The following ME3 variants were observed in gnomAD, a reference collection of about 807,000 sequenced individuals.
ME3 encodes the protein malic enzyme 3, also known as NADP-dependent malic enzyme, mitochondrial.
In ME3, 48 loss-of-function variants were observed where a neutral mutation model predicts 68.9. The observed-to-expected ratio is 0.70, with a 90% CI of 0.55 to 0.89. ME3 has a LOEUF of 0.89. Ranked by LOEUF, ME3 falls within the 40% of genes least tolerant of loss-of-function variation. ME3 has a pLI of 0.00. For synonymous variants in ME3, 320 were observed against 318.8 expected (o/e 1.00, Z -0.04); for missense variants, 675 against 797.4 (o/e 0.85, Z 1.85).
chr11:86,473,782 A>T (rs1475147550), intron 7 of ME3, among the ~76,000 whole-genome samples: 1 of 152,194 alleles, frequency 6.6e-6, no homozygotes, highest in Admixed American at 6.5e-5. Flanking sequence ...ACCATGGGTG[A>T]AAAAACTGGA....
chr11:86,556,560 T>G, exon 4 of ME3: 2 of 1,613,746 alleles, frequency 1.2e-6, no homozygotes, highest in Non-Finnish European at 1.7e-6. Flanking sequence ...CACCGGGGCC[T>G]GCGGAAAGTC....
exon 3 of ME3, chr11:86,559,770 G>T: frequency 1.2e-6 from 2 of 1,614,072 alleles, no homozygotes; most frequent in East Asian, 2.2e-5. Context: ...AGCAGGGCGG[G>T]ATTAGGCCGT....
In ME3 at chr11:86,602,743, A is replaced by C. The variant is rs181915557; in HGVS notation, c.184-42920T>G. Among the ~76,000 whole-genome samples, 3 of 151,868 alleles carry C rather than the reference A, an allele frequency of 2.0e-5. No homozygotes were observed. The East Asian group carries it at 5.8e-4, about 29-fold the overall frequency. The stretch of plus-strand genomic sequence containing the variant: ...CAGTAACCAAAACAGCATGGGAACC[A>C]AAACAGAGATATAGACCAATGGAAC... On this transcript the variant is annotated intron_variant, in intron 2 of 14. Transcript: ENST00000543262.
intron 2 of ME3, among the ~76,000 whole-genome samples, chr11:86,647,261 T>A (rs1945079133): frequency 6.6e-6 from 1 of 152,146 alleles, no homozygotes; most frequent in Admixed American, 6.5e-5. Context: ...ACTGGCAAAT[T>A]GGATAAAGAA....
At chr11:86,541,955 G>C (rs1956073337) in intron 4 of ME3, among the ~76,000 whole-genome samples, 1 of 152,186 alleles carries the variant, frequency 6.6e-6, no homozygotes, top group South Asian at 2.1e-4. Context: ...CCAGAGAAAG[G>C]AGCAGGCAGC....
At chr11:86,451,685 C>G (rs922926330) in intron 8 of ME3, among the ~76,000 whole-genome samples, 1 of 152,190 alleles carries the variant, frequency 6.6e-6, no homozygotes, top group Non-Finnish European at 1.5e-5. Flanking sequence ...GAAATCTGTC[C>G]TAACTGGAGC....
At chr11:86,653,022 A>C (rs1279998925) in intron 2 of ME3, among the ~76,000 whole-genome samples, 1 of 152,210 alleles carries the variant, frequency 6.6e-6, no homozygotes, top group East Asian at 1.9e-4. Context: ...TGGTAAAGGG[A>C]TCAATTCAAC....
intron 7 of ME3, among the ~76,000 whole-genome samples, chr11:86,479,165 C>T (rs1565835341): frequency 6.6e-6 from 1 of 152,218 alleles, no homozygotes; most frequent in Non-Finnish European, 1.5e-5. Flanking sequence ...TTCGTTCTCT[C>T]TTCTGAATTT....
At chr11:86,667,364 C>T (rs1946648159) in intron 2 of ME3, among the ~76,000 whole-genome samples, 2 of 152,136 alleles carry the variant, frequency 1.3e-5, no homozygotes, top group South Asian at 4.1e-4. Flanking sequence ...TAATGCACTC[C>T]TTCAGTTAAA....
At chr11:86,641,663 T>C (rs370520789) in intron 2 of ME3, among the ~76,000 whole-genome samples, 3 of 152,160 alleles carry the variant, frequency 2.0e-5, no homozygotes, top group African/African-American at 7.2e-5. Flanking sequence ...TCTTCTACAA[T>C]TGTGCAAGAA....
intron 2 of ME3, among the ~76,000 whole-genome samples, chr11:86,586,970 A>C (rs773950997): frequency 6.6e-6 from 1 of 152,214 alleles, no homozygotes; most frequent in Non-Finnish European, 1.5e-5. Flanking sequence ...GGGGTGGAGA[A>C]TGGAAGTGGC....
intron 2 of ME3, among the ~76,000 whole-genome samples, chr11:86,608,672 T>C (rs1374728177): frequency 1.3e-5 from 2 of 152,216 alleles, no homozygotes; most frequent in African/African-American, 4.8e-5. Flanking sequence ...TTCTGTTAAT[T>C]AGAGCAAAAT....
intron 2 of ME3, among the ~76,000 whole-genome samples, chr11:86,622,248 T>G (rs1291064371): frequency 6.6e-6 from 1 of 152,072 alleles, no homozygotes; most frequent in Non-Finnish European, 1.5e-5. Context: ...GGATAGGTTG[T>G]GCCAGAGCTA....
intron 2 of ME3, among the ~76,000 whole-genome samples, chr11:86,602,134 T>C (rs1254066242): frequency 1.3e-5 from 2 of 151,342 alleles, no homozygotes; most frequent in Admixed American, 6.6e-5. Flanking sequence ...AAATAAAGGG[T>C]ATTCGGTTAG....
In ME3 at chr11:86,450,411, G is replaced by C; in HGVS notation, c.920-13C>G. On this transcript the variant is annotated splice_polypyrimidine_tract_variant and intron_variant, in intron 8 of 14. Transcript: ENST00000543262. The stretch of plus-strand genomic sequence containing the variant: ...ACGGAGGCTGTGCCTGAAACAGAGT[G>C]GCCTGAGATCAACCTCTGGCCACAG... 6 of 1,611,330 alleles carry C rather than the reference G, an allele frequency of 3.7e-6. No homozygotes were observed. Among genetic ancestry groups the C allele is most frequent in the Non-Finnish European group, 5.1e-6 (6 of 1,177,962 alleles).
intron 4 of ME3, among the ~76,000 whole-genome samples, chr11:86,523,811 C>T (rs532035525): frequency 5.1e-4 from 78 of 151,998 alleles, no homozygotes; most frequent in Middle Eastern, 3.4e-3. Context: ...GGAAAAAAGG[C>T]GGAATAGAAG....
chr11:86,593,311 T>G (rs934432660), intron 2 of ME3, among the ~76,000 whole-genome samples: 1 of 146,750 alleles, frequency 6.8e-6, no homozygotes, highest in Non-Finnish European at 1.5e-5. Flanking sequence ...CCTGTTGGAA[T>G]TTTAACACCT....
At chr11:86,440,968 TC>T (rs757835623), downstream of ME3, 17 of 211,362 alleles carry the variant, frequency 8.0e-5, no homozygotes, top group Non-Finnish European at 1.4e-4. Flanking sequence ...CTCCACTAGA[TC>T]CCGAGCTCTG....
chr11:86,641,373 C>T (rs1413057422), intron 2 of ME3, among the ~76,000 whole-genome samples: 1 of 152,170 alleles, frequency 6.6e-6, no homozygotes, highest in Non-Finnish European at 1.5e-5. Context: ...GGGAACTGCA[C>T]TTCAGAGGCA....
Sources: gnomAD v4.1 joint callset for allele counts (sites outside exome capture counted in the v4.1 genomes callset) on GRCh38, gnomAD v4.1.1 for gene constraint, MANE v1.5 for transcripts, NCBI Gene and HGNC (gene_info 2026-07-23, HGNC 2026-07-21) for gene names.